The following WBP2NL variants were observed in gnomAD, a reference collection of about 807,000 sequenced individuals.
WBP2NL encodes WBP2 N-terminal like.
A neutral mutation model predicts 23.3 loss-of-function variants in WBP2NL; 27 were observed. The ratio of observed to expected loss-of-function variants is 1.16; its 90% CI spans 0.85 to 1.60. The LOEUF is 1.60. WBP2NL is among the 40% of genes most tolerant of loss of function. The pLI is 0.00. For synonymous variants in WBP2NL, 151 were observed against 145.9 expected (o/e 1.03, Z -0.25); for missense variants, 370 against 389.5 (o/e 0.95, Z 0.42).
intron 4 of WBP2NL, among the ~76,000 whole-genome samples, chr22:42,021,792 T>TC (rs1347951990): frequency 6.4e-4 from 95 of 147,666 alleles, no homozygotes; most frequent in Non-Finnish European, 1.1e-3. Flanking sequence ...TTTCTTTCTT[T>TC]TTTTTTTTTT....
At chr22:41,998,972 T>G in intron 1 of WBP2NL, 92 bp downstream of exon 1, 1 of 1,427,654 alleles carries the variant, frequency 7.0e-7, no homozygotes, top group South Asian at 1.3e-5. Context: ...GTCAGGGACT[T>G]TGCCGCCTTT....
At chr22:42,043,664 A>G (rs1469709799) in intron 8 of WBP2NL, among the ~76,000 whole-genome samples, 1 of 152,144 alleles carries the variant, frequency 6.6e-6, no homozygotes, top group Non-Finnish European at 1.5e-5. Flanking sequence ...GGAGAAGCAA[A>G]TTGCTTTTAA....
At chr22:42,039,370 T>TTTC (rs1556304670) in intron 8 of WBP2NL, among the ~76,000 whole-genome samples, 2 of 149,646 alleles carry the variant, frequency 1.3e-5, no homozygotes, top group African/African-American at 2.5e-5. Flanking sequence ...TTTTTTTTTT[T>TTTC]CCAGTATCAG....
At chr22:42,032,574 A>G (rs1264706556), downstream of WBP2NL, 1 of 292,204 alleles carries the variant, frequency 3.4e-6, no homozygotes. Flanking sequence ...ATGTATATAT[A>G]TAAAATGTAG....
At chr22:42,010,367 C>A (rs133324) in intron 1 of WBP2NL, among the ~76,000 whole-genome samples, 65,122 of 151,978 alleles carry the variant, frequency 0.43, 15,068 homozygotes, top group East Asian at 0.85. Context: ...TGAAAGCAGG[C>A]ATCCTTGCCT....
chr22:42,006,309 C>T (rs1325226118), intron 1 of WBP2NL, among the ~76,000 whole-genome samples: 1 of 151,874 alleles, frequency 6.6e-6, no homozygotes, highest in Non-Finnish European at 1.5e-5. Context: ...CAAGCTCTGC[C>T]TCCCGGGTTC....
At chr22:42,055,849 C>T (rs1926008390) in intron 8 of WBP2NL, among the ~76,000 whole-genome samples, 1 of 152,042 alleles carries the variant, frequency 6.6e-6, no homozygotes, top group Non-Finnish European at 1.5e-5. Context: ...AGACCCTCCC[C>T]CCAACCCTAG....
chr22:42,003,459 C>A (rs940795859), intron 1 of WBP2NL: 1 of 151,960 alleles, frequency 6.6e-6, no homozygotes, highest in African/African-American at 2.4e-5. Context: ...AAGGATTAAT[C>A]GAAACAACAG....
chr22:42,051,048 A>G (rs1176119764), intron 8 of WBP2NL, among the ~76,000 whole-genome samples: 2 of 152,250 alleles, frequency 1.3e-5, no homozygotes, highest in Admixed American at 6.5e-5. Flanking sequence ...AAATATTTAT[A>G]GCAGCTTTAT....
intron 8 of WBP2NL, among the ~76,000 whole-genome samples, chr22:42,049,517 C>T (rs1305016639): frequency 2.0e-5 from 3 of 151,462 alleles, no homozygotes; most frequent in East Asian, 1.9e-4. Context: ...GGTGAAACCC[C>T]GTCTCTACTA....
downstream of WBP2NL, among the ~76,000 whole-genome samples, chr22:42,029,072 C>T (rs9607870): frequency 1.3e-5 from 2 of 152,218 alleles, no homozygotes; most frequent in East Asian, 3.8e-4. Flanking sequence ...TTCTCCCACT[C>T]TGGCAAGGCA....
chr22:42,056,446 T>C (rs1169307748), intron 8 of WBP2NL, among the ~76,000 whole-genome samples: 1 of 152,204 alleles, frequency 6.6e-6, no homozygotes, highest in Non-Finnish European at 1.5e-5. Context: ...CATTTATATT[T>C]ACTTATGTAG....
intron 8 of WBP2NL, among the ~76,000 whole-genome samples, chr22:42,054,480 C>T (rs530822154): frequency 5.3e-5 from 8 of 152,146 alleles, no homozygotes; most frequent in East Asian, 1.9e-4. Flanking sequence ...CATGACCCAC[C>T]GTACCCAGCC....
At chr22:42,020,792 A>G (rs1923821010) in intron 4 of WBP2NL, among the ~76,000 whole-genome samples, 1 of 143,522 alleles carries the variant, frequency 7.0e-6, no homozygotes, top group Non-Finnish European at 1.5e-5. Context: ...GCACTGATCT[A>G]ATGGATGTAC....
chr22:42,028,320 CAA>C lies in WBP2NL; in HGVS notation c.*1141_*1142del. On this transcript the variant is annotated 3_prime_UTR_variant, in exon 6 of 6. Transcript: ENST00000328823. ...TATAACAAATATTTATATTTTATAA[CAA>C]ACGTTTATATTTGTATATTTATAAC... The C allele has an allele frequency of 2.8e-6, 1 of 359,316 alleles. No homozygotes were observed. The highest frequency in any genetic ancestry group is 1.5e-4 in the South Asian group (1 of 6,698). The allele number at this position is 359,316 out of a possible 1,614,324, so 22.3% of individuals were successfully genotyped here. A position where few individuals can be genotyped will look rare whatever the true frequency, so the allele number is the denominator to read the frequency against.
intron 1 of WBP2NL, among the ~76,000 whole-genome samples, chr22:42,005,037 T>C (rs1922084162): frequency 6.7e-6 from 1 of 149,772 alleles, no homozygotes; most frequent in Non-Finnish European, 1.5e-5. Context: ...ACCAACATGA[T>C]GAAACCCCGT....
chr22:42,042,404 T>G (rs1020518289), intron 8 of WBP2NL, among the ~76,000 whole-genome samples: 1 of 152,210 alleles, frequency 6.6e-6, no homozygotes, highest in Admixed American at 6.5e-5. Flanking sequence ...AACCTGTTTT[T>G]GAGTCTGCAG....
intron 1 of WBP2NL, chr22:42,000,992 C>CA (rs959840987): frequency 1.1e-3 from 566 of 497,782 alleles, no homozygotes; most frequent in South Asian, 1.7e-3. Flanking sequence ...GACTCCGTCT[C>CA]AAAAAAAAAG....
intron 8 of WBP2NL, among the ~76,000 whole-genome samples, chr22:42,049,700 C>CAAAAAAAAAAAA (rs1569455123): frequency 2.7e-5 from 1 of 36,492 alleles, no homozygotes; most frequent in Non-Finnish European, 5.1e-5. Flanking sequence ...CAAAACAAAA[C>CAAAAAAAAAAAA]AAAACAAAAA....
Sources: gnomAD v4.1 joint callset for allele counts (sites outside exome capture counted in the v4.1 genomes callset) on GRCh38, gnomAD v4.1.1 for gene constraint, MANE v1.5 for transcripts, NCBI Gene and HGNC (gene_info 2026-07-23, HGNC 2026-07-21) for gene names.